IER3IP1: variants seen among roughly 807,000 people sequenced by gnomAD.
The protein encoded by IER3IP1 is immediate early response 3-interacting protein 1.
In IER3IP1, 16 loss-of-function variants were observed where a neutral mutation model predicts 12.2. The ratio of observed to expected loss-of-function variants is 1.31; its 90% confidence interval spans 0.89 to 1.99. IER3IP1 has a LOEUF of 1.99. Among genes scored for constraint, IER3IP1 ranks in the 30% most tolerant of loss-of-function variants. The probability of loss-of-function intolerance (pLI) is 0.00; values close to 1 mark genes in which losing one functional copy is unlikely to be tolerated. For missense variants in IER3IP1, 95 were observed against 95.8 expected (o/e 0.99, Z 0.03); for synonymous variants, 42 against 40.0 (o/e 1.05, Z -0.19).
In IER3IP1 at chr18:47,176,218, T is replaced by C; in HGVS notation, c.60A>G (p.Ala20=). Residue 20 remains alanine, a synonymous_variant, in exon 1 of 3, where the codon GCA becomes GCG. Coordinates refer to ENST00000256433, the MANE Select transcript of IER3IP1 (RefSeq NM_016097.5). ...QAALLCVNAI[A]VLHEERFLKN... The stretch of plus-strand genomic sequence containing the variant: ...TGAGGAATCGCTCCTCGTGCAGCAC[T>C]GCGATGGCGTTGACGCAGAGCAGGG... The C allele has an allele frequency of 6.2e-7, 1 of 1,607,248 alleles. No homozygotes were observed. The highest frequency in any genetic ancestry group is 8.5e-7 in the Non-Finnish European group (1 of 1,177,246).
intron 1 of IER3IP1, 21 bp downstream of exon 1, chr18:47,176,166 G>A (rs1272789754): frequency 1.3e-6 from 2 of 1,569,962 alleles, no homozygotes; most frequent in Non-Finnish European, 1.7e-6. Context: ...GCCCCAGCCC[G>A]CGCCCCGCGG....
intron 2 of IER3IP1, chr18:47,157,157 C>G (rs1037986645): frequency 2.0e-5 from 8 of 401,880 alleles, no homozygotes; most frequent in African/African-American, 1.5e-4. Context: ...TTCCAAAAGG[C>G]AAGAATATAA....
intron 1 of IER3IP1, among the ~76,000 whole-genome samples, chr18:47,160,274 C>CT (rs1207376096): frequency 6.6e-6 from 1 of 152,152 alleles, no homozygotes; most frequent in East Asian, 1.9e-4. Flanking sequence ...TCCACATCCA[C>CT]TTATATAGAG....
chr18:47,166,370 T>C (rs1383084021), intron 1 of IER3IP1, among the ~76,000 whole-genome samples: 1 of 152,092 alleles, frequency 6.6e-6, no homozygotes, highest in Non-Finnish European at 1.5e-5. Context: ...CTATGACCCA[T>C]GGAGATGGGT....
At position 47,170,045 on chromosome 18, in the gene IER3IP1, G is replaced by A. The variant is rs544503547; in HGVS notation, c.91+6142C>T. ...CTTTTTGTCTGTATGTTCTTCTAAG[G>A]GTTGTATAGCTTTTTATCTTACAGT... On this transcript the variant is annotated intron_variant, in intron 1 of 2. Coordinates refer to ENST00000256433, the MANE Select transcript of IER3IP1 (RefSeq NM_016097.5). Among the ~76,000 whole-genome samples the A allele has an allele frequency of 2.6e-5, 4 of 152,094 alleles. No homozygotes were observed. The South Asian group carries it at 8.3e-4, about 32-fold the overall frequency.
At chr18:47,157,353 T>C in intron 2 of IER3IP1, 83 bp downstream of exon 2, 1 of 1,105,306 alleles carries the variant, frequency 9.0e-7, no homozygotes, top group African/African-American at 1.5e-5. Flanking sequence ...ACAAATGGCA[T>C]ATATGGTATT....
chr18:47,170,614 T>C (rs2064012235), intron 1 of IER3IP1, among the ~76,000 whole-genome samples: 1 of 152,134 alleles, frequency 6.6e-6, no homozygotes, highest in African/African-American at 2.4e-5. Flanking sequence ...ACTTGTACTG[T>C]TAAATTTATT....
chr18:47,165,552 C>CAA (rs34723400), intron 1 of IER3IP1, among the ~76,000 whole-genome samples: 47,894 of 121,758 alleles, frequency 0.39, 9,347 homozygotes, highest in Middle Eastern at 0.5. Flanking sequence ...GACTCTGTCT[C>CAA]AAAAAAAAAA....
At chr18:47,161,968 G>A (rs1306202696) in intron 1 of IER3IP1, among the ~76,000 whole-genome samples, 4 of 151,808 alleles carry the variant, frequency 2.6e-5, no homozygotes, top group Non-Finnish European at 5.9e-5. Context: ...TCACAACAGG[G>A]TTCATGTTCC....
At chr18:47,169,109 A>C (rs1247267408) in intron 1 of IER3IP1, among the ~76,000 whole-genome samples, 1 of 152,192 alleles carries the variant, frequency 6.6e-6, no homozygotes, top group African/African-American at 2.4e-5. Context: ...AGCAACCACT[A>C]ATCTACTTTC....
At position 47,176,170 on chromosome 18, in the gene IER3IP1, C is replaced by A. The variant is rs1219642003; in HGVS notation, c.91+17G>T. 6.3e-7 allele frequency: 1 copy of A among 1,576,386 alleles called. No homozygotes were observed. Among genetic ancestry groups the A allele is most frequent in the Non-Finnish European group, 8.6e-7 (1 of 1,161,088 alleles). ...ACTCCGCCGCCGCCCCAGCCCGCGC[C>A]CCGCGGTCCCACTCACTGTTCTTGA... On this transcript the variant is annotated intron_variant, in intron 1 of 2. Coordinates refer to ENST00000256433, the MANE Select transcript of IER3IP1 (RefSeq NM_016097.5).
intron 1 of IER3IP1, among the ~76,000 whole-genome samples, chr18:47,166,899 T>TACTA (rs1322118720): frequency 6.6e-6 from 1 of 152,202 alleles, no homozygotes; most frequent in Non-Finnish European, 1.5e-5. Context: ...GACAAGCCAA[T>TACTA]GTAGTGTGTT....
chr18:47,168,145 A>T (rs1265069456), intron 1 of IER3IP1, among the ~76,000 whole-genome samples: 1 of 143,694 alleles, frequency 7.0e-6, no homozygotes, highest in African/African-American at 2.6e-5. Context: ...AAAAAAAAAA[A>T]AAAAAAAAAA....
chr18:47,165,278 T>C (rs1244228251), intron 1 of IER3IP1, among the ~76,000 whole-genome samples: 2 of 152,156 alleles, frequency 1.3e-5, no homozygotes, highest in East Asian at 1.9e-4. Flanking sequence ...GGTGGCCAGG[T>C]GTGATGGCTC....
intron 1 of IER3IP1, among the ~76,000 whole-genome samples, chr18:47,174,632 G>A (rs2064025681): frequency 6.6e-6 from 1 of 150,998 alleles, no homozygotes; most frequent in Non-Finnish European, 1.5e-5. Context: ...TTGCGCCACT[G>A]CACTCCAGCC....
At chr18:47,174,913 GT>G (rs1178222034) in intron 1 of IER3IP1, among the ~76,000 whole-genome samples, 1 of 152,072 alleles carries the variant, frequency 6.6e-6, no homozygotes, top group African/African-American at 2.4e-5. Flanking sequence ...CAGATTTCAG[GT>G]TAGACACGCT....
chr18:47,170,605 C>T (rs956403013), intron 1 of IER3IP1, among the ~76,000 whole-genome samples: 1 of 152,010 alleles, frequency 6.6e-6, no homozygotes, highest in Non-Finnish European at 1.5e-5. Context: ...TAGCATGAAA[C>T]TTGTACTGTT....
At chr18:47,157,718 G>A (rs1217615291) in intron 1 of IER3IP1, among the ~76,000 whole-genome samples, 181 bp from the exon 2 acceptor site, 2 of 152,148 alleles carry the variant, frequency 1.3e-5, no homozygotes, top group Non-Finnish European at 2.9e-5. Context: ...TTTGATAGCA[G>A]CAACACCCTC....
chr18:47,168,380 ATAAC>A (rs1349483665), intron 1 of IER3IP1, among the ~76,000 whole-genome samples: 1 of 152,104 alleles, frequency 6.6e-6, no homozygotes, highest in Non-Finnish European at 1.5e-5. Flanking sequence ...GTTATTAAAC[ATAAC>A]TAACAAGATG....
Sources: allele counts gnomAD v4.1 joint callset (sites outside exome capture counted in the v4.1 genomes callset), GRCh38; gene constraint gnomAD v4.1.1; transcripts MANE v1.5; gene names NCBI Gene and HGNC (gene_info 2026-07-23, HGNC 2026-07-21).